Variants in SCCPDH observed in about 807,000 individuals in gnomAD.
SCCPDH encodes saccharopine dehydrogenase (putative).
A neutral mutation model predicts 51.5 loss-of-function variants in SCCPDH; 34 were observed. That is an observed-to-expected ratio of 0.66 (90% CI 0.50 to 0.88). SCCPDH has a LOEUF of 0.88. Among genes scored for constraint, SCCPDH ranks in the 40% least tolerant of loss-of-function variants. The probability of loss-of-function intolerance (pLI) is 0.00; values close to 1 mark genes in which losing one functional copy is unlikely to be tolerated. For missense variants in SCCPDH, 464 were observed against 527.1 expected (o/e 0.88, Z 1.17); for synonymous variants, 187 against 191.3 (o/e 0.98, Z 0.19).
intron 5 of SCCPDH, among the ~76,000 whole-genome samples, chr1:246,750,834 G>T (rs913577331): frequency 1.3e-5 from 2 of 152,234 alleles, no homozygotes; most frequent in African/African-American, 4.8e-5. Flanking sequence ...CTTTGGAATG[G>T]CCTTAAGCCT....
intron 5 of SCCPDH, among the ~76,000 whole-genome samples, chr1:246,754,232 G>A (rs1052910827): frequency 2.0e-5 from 3 of 151,980 alleles, no homozygotes; most frequent in Non-Finnish European, 4.4e-5. Flanking sequence ...GGTCGCTGCG[G>A]TGTGTGATGA....
At position 246,758,353 on chromosome 1, in the gene SCCPDH, G is replaced by T; in HGVS notation, c.692G>T (p.Arg231Ile). The change falls in exon 6 of 12, where the codon AGA (arginine) becomes ATA (isoleucine). Residue 231 changes from arginine (R) to isoleucine (I), a missense_variant. Arg to Ile is a moderately conservative substitution (Grantham distance 97). Coordinates refer to ENST00000366510, the MANE Select transcript of SCCPDH (RefSeq NM_016002.3). ...PVPLIGPKLK[R>I]RWPISYCREL... ...CCGCTCATTGGTCCAAAATTGAAGA[G>T]AAGGTAAATTAACTTAAAATCCATT... 1 of 1,596,758 alleles carries T rather than the reference G, an allele frequency of 6.3e-7. No individual in the cohort carries two copies. The highest frequency in any genetic ancestry group is 8.5e-7 in the Non-Finnish European group (1 of 1,173,374).
rs1385508659 is a variant in SCCPDH at position 246,759,969 on chromosome 1, G to T, written c.826G>T (p.Ala276Ser). ...NLEESPVQYA[A>S]YVTVGGITSV... The stretch of plus-strand genomic sequence containing the variant: ...CTCCATCATCTAGGTTCAGTATGCT[G>T]CGTATGTAACTGTGGGAGGCATCAC... Residue 276 changes from alanine to serine, a missense_variant, in exon 8 of 12, where the codon GCG (alanine) becomes TCG (serine). Coordinates refer to ENST00000366510, the MANE Select transcript of SCCPDH (RefSeq NM_016002.3). The T allele has an allele frequency of 1.2e-6, 2 of 1,612,280 alleles. No homozygotes were observed. Among genetic ancestry groups the T allele is most frequent in the African/African-American group, 2.7e-5 (2 of 74,862 alleles).
chr1:246,731,264 C>T (rs1458438188), intron 2 of SCCPDH, among the ~76,000 whole-genome samples: 1 of 152,198 alleles, frequency 6.6e-6, no homozygotes, highest in African/African-American at 2.4e-5. Flanking sequence ...TGAGAAGTCT[C>T]AACTCCAGAT....
At chr1:246,732,913 A>G (rs1668513465) in intron 2 of SCCPDH, among the ~76,000 whole-genome samples, 3 of 152,136 alleles carry the variant, frequency 2.0e-5, no homozygotes, top group Admixed American at 1.3e-4. Flanking sequence ...TCACACAGCT[A>G]GTGGCTGCAG....
intron 5 of SCCPDH, among the ~76,000 whole-genome samples, chr1:246,752,367 G>T (rs866146272): frequency 6.6e-6 from 1 of 152,128 alleles, no homozygotes; most frequent in Non-Finnish European, 1.5e-5. Flanking sequence ...TGCAAAGCAG[G>T]CCAGTTGTAC....
Position 246,760,025 on chromosome 1 carries a change from T to C in SCCPDH, c.882T>C (p.Leu294=). 4.3e-6 allele frequency: 7 copies of C among 1,613,824 alleles called. No individual in the cohort carries two copies. Among genetic ancestry groups the C allele is most frequent in the Non-Finnish European group, 5.9e-6 (7 of 1,179,820 alleles). Residue 294 remains leucine, a synonymous_variant, in exon 8 of 12, where the codon CTT becomes CTC. Transcript: ENST00000366510. ...TTATTAAGCTGATGTTTGCAGGACT[T>C]TTCTTTTTGTTCTTTGTGAGGTTTG... ...TSVIKLMFAG[L]FFLFFVRFGI... is the part of the protein sequence containing the mutation.
At chr1:246,741,399 CA>C (rs1171609453) in intron 4 of SCCPDH, among the ~76,000 whole-genome samples, 1 of 152,112 alleles carries the variant, frequency 6.6e-6, no homozygotes, top group Non-Finnish European at 1.5e-5. Context: ...TGGGCTCAGG[CA>C]GTGCTCCCTC....
At chr1:246,747,405 G>T (rs1299685539) in intron 5 of SCCPDH, among the ~76,000 whole-genome samples, 1 of 152,164 alleles carries the variant, frequency 6.6e-6, no homozygotes, top group Non-Finnish European at 1.5e-5. Context: ...AGAAAGTTAG[G>T]CTGGGCACGG....
chr1:246,727,133 T>C, intron 2 of SCCPDH, 129 bp downstream of exon 2: 2 of 708,664 alleles, frequency 2.8e-6, no homozygotes, highest in Non-Finnish European at 4.7e-6. Context: ...GGGGAGTTTT[T>C]TCTTCTTGCG....
intron 5 of SCCPDH, among the ~76,000 whole-genome samples, chr1:246,753,024 T>A (rs1200065477): frequency 6.6e-6 from 1 of 151,834 alleles, no homozygotes; most frequent in Non-Finnish European, 1.5e-5. Context: ...TGCCTCTCTG[T>A]CTCTTTCTCT....
intron 9 of SCCPDH, 33 bp from the exon 10 acceptor site, chr1:246,764,213 T>G: frequency 7.4e-7 from 1 of 1,349,998 alleles, no homozygotes; most frequent in Admixed American, 1.7e-5. Flanking sequence ...ATGACGTATT[T>G]ATGAAATGCG....
At chr1:246,738,426 G>C (rs1269994864) in intron 3 of SCCPDH, among the ~76,000 whole-genome samples, 1 of 149,318 alleles carries the variant, frequency 6.7e-6, no homozygotes, top group Non-Finnish European at 1.5e-5. Context: ...CAAGAGAATC[G>C]CTTGAACCTG....
chr1:246,765,415 G>T (rs1419174045), intron 10 of SCCPDH, among the ~76,000 whole-genome samples: 1 of 152,240 alleles, frequency 6.6e-6, no homozygotes, highest in Non-Finnish European at 1.5e-5. Context: ...CAAGCCAGAT[G>T]ATAGTATGTT....
intron 9 of SCCPDH, among the ~76,000 whole-genome samples, chr1:246,761,310 C>T (rs1179705447): frequency 3.3e-5 from 5 of 152,120 alleles, no homozygotes; most frequent in South Asian, 2.1e-4. Flanking sequence ...CTCCTGACCT[C>T]GTGATCCACC....
chr1:246,753,858 G>T (rs1668891692), intron 5 of SCCPDH, among the ~76,000 whole-genome samples: 1 of 152,018 alleles, frequency 6.6e-6, no homozygotes, highest in South Asian at 2.1e-4. Context: ...AGGAGGCAGG[G>T]TTATAAGGAG....
At chr1:246,753,003 TTCTC>T (rs1392611245) in intron 5 of SCCPDH, among the ~76,000 whole-genome samples, 2 of 151,832 alleles carry the variant, frequency 1.3e-5, no homozygotes, top group Non-Finnish European at 2.9e-5. Context: ...CTCTGTCTCT[TTCTC>T]TCTCTTTGCC....
intron 3 of SCCPDH, among the ~76,000 whole-genome samples, chr1:246,736,897 T>C (rs932782791): frequency 4.6e-5 from 7 of 152,172 alleles, no homozygotes; most frequent in Non-Finnish European, 4.4e-5. Context: ...TCTTCCTCCA[T>C]TTTTTGTAGA....
At chr1:246,759,236 C>T (rs2102990155) in intron 7 of SCCPDH, 85 bp downstream of exon 7, 3 of 783,680 alleles carry the variant, frequency 3.8e-6, no homozygotes, top group South Asian at 3.0e-5. Context: ...GTTTATAAGG[C>T]AGAAAAAGGA....
Sources: gnomAD v4.1 joint callset for allele counts (sites outside exome capture counted in the v4.1 genomes callset) on GRCh38, gnomAD v4.1.1 for gene constraint, MANE v1.5 for transcripts, NCBI Gene and HGNC (gene_info 2026-07-23, HGNC 2026-07-21) for gene names.